CR1: variants seen among roughly 807,000 people sequenced by gnomAD.
The protein encoded by CR1 is complement receptor type 1.
A neutral mutation model predicts 187.3 loss-of-function variants in CR1; 116 were observed. That is an observed-to-expected ratio of 0.62 (90% CI 0.53 to 0.72). The LOEUF (loss-of-function observed/expected upper bound fraction) is 0.72. Ranked by LOEUF, CR1 falls within the 30% of genes least tolerant of loss-of-function variation. CR1 has a pLI of 0.00. For synonymous variants in CR1, 576 were observed against 747.1 expected (o/e 0.77, Z 3.73); for missense variants, 1,731 against 2,110.7 (o/e 0.82, Z 3.52).
intron 27 of CR1, among the ~76,000 whole-genome samples, chr1:207,575,110 C>T (rs1660699765): frequency 6.6e-6 from 1 of 152,020 alleles, no homozygotes. Context: ...GTTTAATCCT[C>T]TTGTTGAAAA....
At chr1:207,598,407 A>G (rs1206655444) in intron 35 of CR1, among the ~76,000 whole-genome samples, 1 of 137,268 alleles carries the variant, frequency 7.3e-6, no homozygotes, top group African/African-American at 2.8e-5. Flanking sequence ...TCCAGTGCAC[A>G]ATAAAGACAA....
Position 207,621,991 on chromosome 1 carries a change from T to C in CR1, c.7271T>C (p.Ile2424Thr). ...KCTSRTHDAL[I>T]VGTLSGTIFF... ...CTTTTAGGTACACATGATGCTCTCA[T>C]AGTTGGTAAGTTTTATGAAAGTTTT... Residue 2424 changes from isoleucine to threonine, a missense_variant, in exon 44 of 47, where the codon ATA (isoleucine) becomes ACA (threonine). This residue lies in a region of CR1 where 1,312 missense variants were observed against 1,379.6 expected (regional missense o/e 0.95). Coordinates refer to ENST00000367049, the MANE Select transcript of CR1 (RefSeq NM_000651.6). 2 of 1,597,824 alleles carry C rather than the reference T, an allele frequency of 1.3e-6. No homozygotes were observed. Among genetic ancestry groups the C allele is most frequent in the Non-Finnish European group, 8.5e-7 (1 of 1,170,636 alleles).
At chr1:207,634,363 A>T (rs1662746382) in intron 46 of CR1, among the ~76,000 whole-genome samples, 1 of 152,234 alleles carries the variant, frequency 6.6e-6, no homozygotes. Context: ...AATTTTGACC[A>T]CAGTGTTCCA....
At chr1:207,514,642 C>G (rs1659726734) in intron 4 of CR1, among the ~76,000 whole-genome samples, 1 of 152,098 alleles carries the variant, frequency 6.6e-6, no homozygotes. Context: ...GTTATAGCAG[C>G]CCAAATAGAC....
intron 27 of CR1, among the ~76,000 whole-genome samples, chr1:207,573,022 A>G (rs1202073267): frequency 6.6e-6 from 1 of 152,140 alleles, no homozygotes; most frequent in Non-Finnish European, 1.5e-5. Context: ...GCGTCTGCAA[A>G]GATTGTATTT....
At chr1:207,615,006 G>T (rs564473513) in intron 40 of CR1, among the ~76,000 whole-genome samples, 1 of 151,776 alleles carries the variant, frequency 6.6e-6, no homozygotes, top group African/African-American at 2.4e-5. Flanking sequence ...ATAGAATCTC[G>T]CCATATTGCC....
At chr1:207,635,502 G>A (rs535251493) in intron 46 of CR1, among the ~76,000 whole-genome samples, 20 of 152,216 alleles carry the variant, frequency 1.3e-4, no homozygotes, top group African/African-American at 4.3e-4. Flanking sequence ...GCCCTAAGGC[G>A]GTTTTCCCCT....
At chr1:207,637,160 G>C (rs1182229436) in intron 46 of CR1, among the ~76,000 whole-genome samples, 1 of 152,206 alleles carries the variant, frequency 6.6e-6, no homozygotes, top group Non-Finnish European at 1.5e-5. Flanking sequence ...TCTTGGGGTA[G>C]AGATTCCTTT....
chr1:207,508,701 G>A (rs1176860521), intron 3 of CR1, among the ~76,000 whole-genome samples: 1 of 151,822 alleles, frequency 6.6e-6, no homozygotes, highest in Non-Finnish European at 1.5e-5. Context: ...ATGTGAATCT[G>A]ATTATCTCAA....
chr1:207,595,870 T>C (rs183358931), intron 35 of CR1, among the ~76,000 whole-genome samples: 190 of 151,668 alleles, frequency 1.3e-3, no homozygotes, highest in African/African-American at 4.4e-3. Context: ...AGATAATTCA[T>C]GTAATATGAA....
chr1:207,601,917 C>T (rs1661617577), intron 35 of CR1, among the ~76,000 whole-genome samples: 2 of 152,098 alleles, frequency 1.3e-5, no homozygotes, highest in Non-Finnish European at 2.9e-5. Flanking sequence ...CTGCAGGACA[C>T]TTCAGTTCCT....
At chr1:207,605,907 T>A (rs189523275) in intron 35 of CR1, 1 of 152,344 alleles carries the variant, frequency 6.6e-6, no homozygotes, top group African/African-American at 2.4e-5. Flanking sequence ...TTGACGGTCA[T>A]TGCCATAGTC....
chr1:207,608,944 G>A (rs1196001675), intron 36 of CR1, among the ~76,000 whole-genome samples: 1 of 151,924 alleles, frequency 6.6e-6, no homozygotes, highest in Non-Finnish European at 1.5e-5. Context: ...TATTTAAACT[G>A]CAAAGAGGTT....
At chr1:207,520,741 T>A (rs1659950837) in intron 4 of CR1, among the ~76,000 whole-genome samples, 1 of 152,204 alleles carries the variant, frequency 6.6e-6, no homozygotes, top group African/African-American at 2.4e-5. Context: ...CTATTTTCCT[T>A]CAGCCTGAAA....
intron 39 of CR1, among the ~76,000 whole-genome samples, chr1:207,613,153 C>T (rs772055300): frequency 1.0e-3 from 155 of 152,178 alleles, no homozygotes; most frequent in Admixed American, 2.4e-3. Context: ...GTTATACTGA[C>T]AATAGAAGGG....
intron 3 of CR1, among the ~76,000 whole-genome samples, chr1:207,508,469 G>T (rs1659512240): frequency 6.6e-6 from 1 of 152,198 alleles, no homozygotes; most frequent in Admixed American, 6.5e-5. Flanking sequence ...AAAACACAAA[G>T]TCTATTTTTT....
At chr1:207,616,336 C>T (rs1435780056) in intron 40 of CR1, among the ~76,000 whole-genome samples, 1 of 152,140 alleles carries the variant, frequency 6.6e-6, no homozygotes, top group African/African-American at 2.4e-5. Flanking sequence ...TCATTGTGAA[C>T]ATAGGTACCT....
At chr1:207,578,351 G>T in intron 29 of CR1, 148 bp downstream of exon 29, 4 of 1,509,888 alleles carry the variant, frequency 2.6e-6, no homozygotes, top group Non-Finnish European at 3.6e-6. Flanking sequence ...TTAAGAATTG[G>T]GGGTGTGCAT....
At chr1:207,586,069 T>A (rs1228621357) in intron 33 of CR1, among the ~76,000 whole-genome samples, 1 of 152,218 alleles carries the variant, frequency 6.6e-6, no homozygotes, top group African/African-American at 2.4e-5. Flanking sequence ...ACATAGCTTC[T>A]TACAGAAGGC....
Sources: gnomAD v4.1 joint callset for allele counts (sites outside exome capture counted in the v4.1 genomes callset) on GRCh38, gnomAD v4.1.1 for gene constraint, gnomAD v4.1.1 regional missense constraint, MANE v1.5 for transcripts, NCBI Gene and HGNC (gene_info 2026-07-23, HGNC 2026-07-21) for gene names.